The following KCNAB1 variants were observed in gnomAD, a reference collection of about 807,000 sequenced individuals.
KCNAB1 encodes voltage-gated potassium channel subunit beta-1.
KCNAB1 carries 35 observed loss-of-function variants against 64.6 expected under a neutral mutation model. That is an observed-to-expected ratio of 0.54 (90% CI 0.41 to 0.72). The LOEUF (loss-of-function observed/expected upper bound fraction) is 0.72. Ranked by LOEUF, KCNAB1 falls within the 30% of genes least tolerant of loss-of-function variation. The pLI is 0.00. For missense variants in KCNAB1, 401 were observed against 512.9 expected (o/e 0.78, Z 2.11); for synonymous variants, 177 against 183.8 (o/e 0.96, Z 0.30).
At chr3:156,396,252 G>T (rs1435930391) in intron 1 of KCNAB1, among the ~76,000 whole-genome samples, 1 of 152,046 alleles carries the variant, frequency 6.6e-6, no homozygotes, top group Non-Finnish European at 1.5e-5. Context: ...GCTATTTGAA[G>T]GTAGGTAGAG....
intron 2 of KCNAB1, among the ~76,000 whole-genome samples, chr3:156,445,108 C>T (rs1312404232): frequency 6.6e-6 from 1 of 152,108 alleles, no homozygotes; most frequent in African/African-American, 2.4e-5. Flanking sequence ...CCAACATGGC[C>T]AACATGGTGA....
At chr3:156,354,142 A>ATATATATATATG (rs1491445238) in intron 1 of KCNAB1, among the ~76,000 whole-genome samples, 73 of 123,146 alleles carry the variant, frequency 5.9e-4, no homozygotes, top group African/African-American at 1.9e-3. Flanking sequence ...ATATATATAT[A>ATATATATATATG]TGTGTATATA....
intron 1 of KCNAB1, among the ~76,000 whole-genome samples, chr3:156,353,649 CAT>C (rs750308178): frequency 1.4e-4 from 21 of 152,334 alleles, no homozygotes; most frequent in Non-Finnish European, 2.5e-4. Context: ...CTTCCAAGCT[CAT>C]GTGACTGTTG....
chr3:156,230,710 AG>A (rs1039406669), intron 1 of KCNAB1, among the ~76,000 whole-genome samples: 25 of 152,360 alleles, frequency 1.6e-4, no homozygotes, highest in African/African-American at 6.0e-4. Context: ...GATGAGATAA[AG>A]AATAGGAATG....
intron 12 of KCNAB1, among the ~76,000 whole-genome samples, chr3:156,531,135 G>A (rs1241395635): frequency 6.6e-6 from 1 of 152,154 alleles, no homozygotes; most frequent in Non-Finnish European, 1.5e-5. Context: ...CTACTTGAGG[G>A]CAGCTGAGCG....
intron 1 of KCNAB1, among the ~76,000 whole-genome samples, chr3:156,344,359 CGA>C (rs1003654167): frequency 1.3e-5 from 2 of 152,172 alleles, no homozygotes; most frequent in African/African-American, 4.8e-5. Context: ...CCTCGCCTGC[CGA>C]GAGCCATTTT....
chr3:156,265,696 A>G (rs922321632), intron 1 of KCNAB1, among the ~76,000 whole-genome samples: 1 of 152,204 alleles, frequency 6.6e-6, no homozygotes, highest in Non-Finnish European at 1.5e-5. Flanking sequence ...CTGTATCCTA[A>G]TCTCTAAAAC....
At chr3:156,523,546 T>A (rs6441076) in intron 11 of KCNAB1, among the ~76,000 whole-genome samples, 55,898 of 152,004 alleles carry the variant, frequency 0.37, 10,768 homozygotes, top group Middle Eastern at 0.43. Flanking sequence ...AGGCTAGGAT[T>A]TAAGTGCTTG....
At chr3:156,293,979 G>A (rs370570128) in intron 1 of KCNAB1, among the ~76,000 whole-genome samples, 1 of 152,184 alleles carries the variant, frequency 6.6e-6, no homozygotes, top group Non-Finnish European at 1.5e-5. Flanking sequence ...TAGTACTTTC[G>A]CAGCACTATG....
intron 7 of KCNAB1, among the ~76,000 whole-genome samples, chr3:156,466,429 T>A (rs1262781826): frequency 6.6e-6 from 1 of 152,160 alleles, no homozygotes; most frequent in East Asian, 1.9e-4. Context: ...AATGCTGCTA[T>A]GAACATTTGT....
chr3:156,120,455 T>G, upstream of KCNAB1: 3 of 836,372 alleles, frequency 3.6e-6, no homozygotes, highest in Non-Finnish European at 5.7e-6. Flanking sequence ...TACATTTTCA[T>G]CCCAAGCCAC....
chr3:156,284,909 G>T (rs563260592), intron 1 of KCNAB1, among the ~76,000 whole-genome samples: 2 of 152,176 alleles, frequency 1.3e-5, no homozygotes, highest in African/African-American at 4.8e-5. Context: ...AGATGGAAAT[G>T]CAGAAATCAC....
chr3:156,434,301 G>C (rs1169224459), intron 2 of KCNAB1, among the ~76,000 whole-genome samples: 1 of 152,140 alleles, frequency 6.6e-6, no homozygotes, highest in Non-Finnish European at 1.5e-5. Context: ...GAGGTGGGGA[G>C]ACAAGCTCAA....
intron 1 of KCNAB1, among the ~76,000 whole-genome samples, chr3:156,178,918 A>G (rs551104769): frequency 1.3e-5 from 2 of 148,196 alleles, no homozygotes; most frequent in Non-Finnish European, 3.0e-5. Context: ...GGAGAATGGC[A>G]TGAACCTGGG....
At chr3:156,424,848 C>T (rs1052922240) in intron 2 of KCNAB1, among the ~76,000 whole-genome samples, 9 of 152,196 alleles carry the variant, frequency 5.9e-5, no homozygotes, top group African/African-American at 2.2e-4. Flanking sequence ...GCAGCAAGTT[C>T]TATTTGAGCT....
At chr3:156,212,994 A>G (rs912686299) in intron 1 of KCNAB1, among the ~76,000 whole-genome samples, 10 of 152,014 alleles carry the variant, frequency 6.6e-5, no homozygotes, top group African/African-American at 2.2e-4. Context: ...AAATAAAGAC[A>G]CTCTGACCAC....
chr3:156,386,990 C>T (rs1222606757), intron 1 of KCNAB1, among the ~76,000 whole-genome samples: 1 of 137,674 alleles, frequency 7.3e-6, no homozygotes, highest in African/African-American at 2.9e-5. Flanking sequence ...CTTGCTTTCT[C>T]TTGCTTGCTT....
chr3:156,176,886 C>T lies in KCNAB1; in HGVS notation c.275+56000C>T, dbSNP rs1427357036. On this transcript the variant is annotated intron_variant, in intron 1 of 13. Transcript: ENST00000490337. ...GACTGGGACCAGCGGTAACTCTGGG[C>T]CTGTACGCTTCTGCTGTTCTATCAT... The T allele has an allele frequency of 7.8e-6, 9 of 1,152,700 alleles. No individual in the cohort carries two copies. The African/African-American group carries it at 1.4e-4, about 18-fold the overall frequency. 71.4% of individuals were successfully genotyped at this position (1,152,700 alleles called of 1,614,324 possible).
chr3:156,527,705 T>C (rs1718418346), intron 12 of KCNAB1, among the ~76,000 whole-genome samples: 2 of 152,162 alleles, frequency 1.3e-5, no homozygotes, highest in African/African-American at 4.8e-5. Flanking sequence ...ACTTCTTTCT[T>C]TGTAAATAAA....
Sources: allele counts gnomAD v4.1 joint callset (sites outside exome capture counted in the v4.1 genomes callset), GRCh38; gene constraint gnomAD v4.1.1; transcripts MANE v1.5; gene names NCBI Gene and HGNC (gene_info 2026-07-23, HGNC 2026-07-21).